CFAP263: variants seen among roughly 807,000 people sequenced by gnomAD.
CFAP263 encodes cilia- and flagella-associated protein 263.
chr16:58,272,536 A>G, the CFAP263 span, among the ~76,000 whole-genome samples: 8 of 152,232 alleles, frequency 5.3e-5, no homozygotes, highest in African/African-American at 1.7e-4. Flanking sequence ...TTATAATACA[A>G]TGCTAAGTAT....
chr16:58,264,186 G>C, the CFAP263 span, among the ~76,000 whole-genome samples: 1 of 152,162 alleles, frequency 6.6e-6, no homozygotes, highest in Non-Finnish European at 1.5e-5. Flanking sequence ...TATTTATAGA[G>C]GAAGCCAGTT....
the CFAP263 span, among the ~76,000 whole-genome samples, chr16:58,255,828 G>A: frequency 6.6e-6 from 1 of 152,048 alleles, no homozygotes; most frequent in Non-Finnish European, 1.5e-5. Flanking sequence ...CTCCCAAAGT[G>A]CTGGGATTAC....
At chr16:58,252,903 G>A in the CFAP263 span, 41 of 1,592,898 alleles carry the variant, frequency 2.6e-5, no homozygotes, top group Non-Finnish European at 3.4e-5. Context: ...CACCTTAAAT[G>A]CAAGTGGTAT....
the CFAP263 span, among the ~76,000 whole-genome samples, chr16:58,273,649 G>A: frequency 1.8e-3 from 278 of 152,084 alleles, 1 homozygote; most frequent in African/African-American, 6.3e-3. Context: ...TGAAGACTTC[G>A]TCTGCTAAGT....
chr16:58,259,932 C>G, the CFAP263 span: 1 of 1,595,122 alleles, frequency 6.3e-7, no homozygotes, highest in South Asian at 1.1e-5. Flanking sequence ...ACAATTGAGG[C>G]AGGTATGTGG....
At chr16:58,280,202 G>C in the CFAP263 span, 1 of 1,585,566 alleles carries the variant, frequency 6.3e-7, no homozygotes, top group Non-Finnish European at 8.6e-7. Flanking sequence ...TTACTCTTCA[G>C]TTTGGTGGGG....
At chr16:58,281,672 G>A in the CFAP263 span, 1 of 152,270 alleles carries the variant, frequency 6.6e-6, no homozygotes, top group Non-Finnish European at 1.5e-5. Flanking sequence ...CTGGCTGGAA[G>A]GCCCAGGCAA....
chr16:58,259,336 T>C, the CFAP263 span, among the ~76,000 whole-genome samples: 8 of 152,194 alleles, frequency 5.3e-5, no homozygotes, highest in Non-Finnish European at 1.2e-4. Flanking sequence ...CCCAAAGTGC[T>C]GGGATTACTG....
At chr16:58,270,173 G>A in the CFAP263 span, among the ~76,000 whole-genome samples, 1 of 152,012 alleles carries the variant, frequency 6.6e-6, no homozygotes, top group African/African-American at 2.4e-5. Flanking sequence ...TTATAATTGG[G>A]TTATTTATCT....
the CFAP263 span, among the ~76,000 whole-genome samples, chr16:58,270,154 T>C: frequency 6.6e-6 from 1 of 152,220 alleles, no homozygotes; most frequent in African/African-American, 2.4e-5. Context: ...GTCAAGTCCT[T>C]TGCTTAGTTT....
At chr16:58,262,575 G>C in the CFAP263 span, 3 of 1,556,634 alleles carry the variant, frequency 1.9e-6, no homozygotes, top group African/African-American at 2.7e-5. Flanking sequence ...GCTCCCCCAA[G>C]GCTTTCCACA....
the CFAP263 span, chr16:58,282,603 C>T: frequency 6.6e-6 from 1 of 152,300 alleles, no homozygotes; most frequent in Non-Finnish European, 1.5e-5. Context: ...CAAGGCCAGA[C>T]ATGTGAGGAA....
the CFAP263 span, chr16:58,280,797 T>G: frequency 6.6e-7 from 1 of 1,525,456 alleles, no homozygotes; most frequent in Non-Finnish European, 8.8e-7. Flanking sequence ...TTAGAAAAAC[T>G]AGTTTTTGTT....
chr16:58,278,474 C>A, the CFAP263 span: 15 of 1,613,388 alleles, frequency 9.3e-6, no homozygotes, highest in Non-Finnish European at 1.3e-5. Context: ...TGGTCCTTCC[C>A]AACCCAGGAC....
chr16:58,267,319 T>C, the CFAP263 span, among the ~76,000 whole-genome samples: 7 of 152,166 alleles, frequency 4.6e-5, no homozygotes, highest in African/African-American at 1.4e-4. Flanking sequence ...CCACCAGTTC[T>C]CAGACATCAG....
the CFAP263 span, among the ~76,000 whole-genome samples, chr16:58,261,543 T>C: frequency 6.6e-6 from 1 of 152,180 alleles, no homozygotes; most frequent in African/African-American, 2.4e-5. Flanking sequence ...TATGTGTAAT[T>C]GTATACAGAA....
the CFAP263 span, among the ~76,000 whole-genome samples, chr16:58,265,133 T>G: frequency 6.6e-6 from 1 of 152,206 alleles, no homozygotes; most frequent in Admixed American, 6.5e-5. Context: ...GCCTTGTAGG[T>G]AGAATTCTAA....
At chr16:58,255,632 C>T in the CFAP263 span, among the ~76,000 whole-genome samples, 4 of 147,770 alleles carry the variant, frequency 2.7e-5, no homozygotes, top group Non-Finnish European at 4.5e-5. Flanking sequence ...TGCAGTGGTG[C>T]GATCCCAGCT....
chr16:58,262,321 G>A, the CFAP263 span: 1 of 1,464,478 alleles, frequency 6.8e-7, no homozygotes, highest in South Asian at 1.3e-5. Context: ...GTTGCAAGAT[G>A]TGAGCCATAC....
Sources: gnomAD v4.1 joint callset for allele counts (sites outside exome capture counted in the v4.1 genomes callset) on GRCh38, gnomAD v4.1.1 for gene constraint, MANE v1.5 for transcripts, NCBI Gene and HGNC (gene_info 2026-07-23, HGNC 2026-07-21) for gene names.